Variants in MCPH1 observed in about 807,000 individuals in gnomAD.
MCPH1 encodes the protein microcephalin.
A neutral mutation model predicts 84.5 loss-of-function variants in MCPH1; 104 were observed. The observed-to-expected ratio is 1.23, with a 90% CI of 1.05 to 1.45. The LOEUF (loss-of-function observed/expected upper bound fraction) is 1.45. MCPH1 is among the 40% of genes most tolerant of loss of function. The pLI, the probability that MCPH1 is intolerant of heterozygous loss-of-function variation, is 0.00. For synonymous variants in MCPH1, 514 were observed against 366.8 expected (o/e 1.40, Z -4.58); for missense variants, 1,498 against 1,005.7 (o/e 1.49, Z -6.62).
At chr8:6,582,479 C>T (rs1341640081) in intron 12 of MCPH1, among the ~76,000 whole-genome samples, 2 of 152,178 alleles carry the variant, frequency 1.3e-5, no homozygotes, top group South Asian at 2.1e-4. Context: ...CACACAGAAT[C>T]GGATTAATTA....
chr8:6,600,500 C>T (rs180687902), intron 12 of MCPH1, among the ~76,000 whole-genome samples: 10 of 152,216 alleles, frequency 6.6e-5, no homozygotes, highest in Non-Finnish European at 1.2e-4. Context: ...CCACCCTTGG[C>T]GGCACATCTC....
intron 11 of MCPH1, among the ~76,000 whole-genome samples, chr8:6,491,558 C>T (rs1043422347): frequency 6.6e-6 from 1 of 151,474 alleles, no homozygotes. Context: ...ATGTGCCATG[C>T]TGGTGTGCTG....
intron 3 of MCPH1, among the ~76,000 whole-genome samples, chr8:6,416,036 CTT>C (rs1180310488): frequency 6.6e-6 from 1 of 152,062 alleles, no homozygotes; most frequent in South Asian, 2.1e-4. Flanking sequence ...TTATTCCTAA[CTT>C]TTTTGTTCAT....
At chr8:6,491,505 A>G (rs1488237743) in intron 11 of MCPH1, among the ~76,000 whole-genome samples, 1 of 148,744 alleles carries the variant, frequency 6.7e-6, no homozygotes, top group Non-Finnish European at 1.5e-5. Flanking sequence ...TTTAAGTTCT[A>G]GGGTACATGT....
chr8:6,634,413 G>A (rs1178249908), intron 13 of MCPH1, among the ~76,000 whole-genome samples: 1 of 152,192 alleles, frequency 6.6e-6, no homozygotes, highest in African/African-American at 2.4e-5. Context: ...GACCATTTGG[G>A]TGCTACTGCC....
intron 13 of MCPH1, chr8:6,627,355 C>A: frequency 2.2e-6 from 2 of 919,062 alleles, no homozygotes. Flanking sequence ...GGACTGCCCC[C>A]TTCCAGCCCC....
chr8:6,487,857 C>T (rs1430775915), intron 11 of MCPH1, among the ~76,000 whole-genome samples: 3 of 152,076 alleles, frequency 2.0e-5, no homozygotes, highest in South Asian at 2.1e-4. Context: ...TTTTTGCAGC[C>T]GAGAAGGACG....
At chr8:6,554,585 G>C (rs1824262395) in intron 12 of MCPH1, among the ~76,000 whole-genome samples, 1 of 152,042 alleles carries the variant, frequency 6.6e-6, no homozygotes. Flanking sequence ...TTTGGTTGTT[G>C]GTTTTTAAAA....
chr8:6,434,722 C>T (rs980786653), intron 4 of MCPH1, among the ~76,000 whole-genome samples: 1 of 152,168 alleles, frequency 6.6e-6, no homozygotes, highest in Non-Finnish European at 1.5e-5. Flanking sequence ...GAAGTTCTTT[C>T]TATGAGACTG....
chr8:6,494,458 C>G (rs1281362059), intron 11 of MCPH1: 1 of 152,122 alleles, frequency 6.6e-6, no homozygotes, highest in Non-Finnish European at 1.5e-5. Context: ...GCTGTGTAAC[C>G]TTGGGTAAGG....
rs913017325 is a variant in MCPH1, at chr8:6,499,836, G to C, written c.2137-16G>C. 6.2e-7 allele frequency: 1 copy of C among 1,611,444 alleles called. No homozygotes were observed. Among genetic ancestry groups the C allele is most frequent in the African/African-American group, 1.3e-5 (1 of 74,854 alleles). ...TAATAAATGTATAATAAATCTGCTT[G>C]TTGTGTCACTTGCAGGTGCTATGGT... On this transcript the variant is annotated splice_polypyrimidine_tract_variant and intron_variant, in intron 11 of 13. Coordinates refer to ENST00000344683, the MANE Select transcript of MCPH1 (RefSeq NM_024596.5).
intron 12 of MCPH1, among the ~76,000 whole-genome samples, chr8:6,530,197 G>C (rs1223389045): frequency 6.6e-6 from 1 of 151,966 alleles, no homozygotes; most frequent in Non-Finnish European, 1.5e-5. Flanking sequence ...TTAATAGGTT[G>C]GTGCAATTTT....
At chr8:6,412,845 GT>G (rs1798731495) in intron 2 of MCPH1, among the ~76,000 whole-genome samples, 1 of 152,146 alleles carries the variant, frequency 6.6e-6, no homozygotes, top group Non-Finnish European at 1.5e-5. Context: ...AGTTATAAAA[GT>G]AATACATATT....
chr8:6,540,985 T>C (rs1821449717), intron 12 of MCPH1, among the ~76,000 whole-genome samples: 1 of 152,148 alleles, frequency 6.6e-6, no homozygotes, highest in Non-Finnish European at 1.5e-5. Context: ...AGGTGGAGCC[T>C]AGTGGGCATT....
Position 6,445,451 on chromosome 8 carries a change from G to A in MCPH1, c.1729G>A (p.Glu577Lys), listed in dbSNP as rs561690042. ...CAAAATATCAAACTCCTCTGAAGGC[G>A]AAGCCCAGAGTGAACATGAGCCATG... is the stretch of plus-strand genomic sequence containing the variant. ...TSKISNSSEG[E>K]AQSEHEPCFI... is the part of the protein sequence containing the mutation. The change falls in exon 8 of 14, where the codon GAA becomes AAA. Residue 577 changes from glutamate (E) to lysine (K), a missense_variant. By Grantham distance (56) the Glu-to-Lys change is moderately conservative. Transcript: ENST00000344683. The A allele has an allele frequency of 5.8e-5, 93 of 1,614,106 alleles. No individual in the cohort carries two copies. The highest frequency in any genetic ancestry group is 4.9e-4 in the East Asian group (22 of 44,894).
At chr8:6,525,421 GTT>G (rs111961682) in intron 12 of MCPH1, among the ~76,000 whole-genome samples, 12,289 of 152,178 alleles carry the variant, frequency 0.081, 643 homozygotes, top group African/African-American at 0.14. Flanking sequence ...GTAAAAATGA[GTT>G]CTCATTATAT....
intron 12 of MCPH1, among the ~76,000 whole-genome samples, chr8:6,536,150 G>A (rs1307411621): frequency 2.6e-5 from 4 of 152,134 alleles, no homozygotes; most frequent in Non-Finnish European, 5.9e-5. Flanking sequence ...TATATGATGT[G>A]ACAGTCAGGT....
At chr8:6,629,374 A>C (rs907735699) in intron 13 of MCPH1, among the ~76,000 whole-genome samples, 1 of 152,220 alleles carries the variant, frequency 6.6e-6, no homozygotes, top group African/African-American at 2.4e-5. Flanking sequence ...AGGCAGGAGA[A>C]TCCCTTGAAC....
chr8:6,527,776 C>G (rs1818620975), intron 12 of MCPH1: 1 of 1,128,812 alleles, frequency 8.9e-7, no homozygotes, highest in South Asian at 1.7e-5. Flanking sequence ...GAAAACATAA[C>G]AAAAACATTA....
Sources: allele counts gnomAD v4.1 joint callset (sites outside exome capture counted in the v4.1 genomes callset), GRCh38; gene constraint gnomAD v4.1.1; transcripts MANE v1.5; gene names NCBI Gene and HGNC (gene_info 2026-07-23, HGNC 2026-07-21).